Variants in MAN2A2 observed in about 807,000 individuals in gnomAD.
The protein encoded by MAN2A2 is mannosidase alpha class 2A member 2, also known as alpha-mannosidase 2x.
In MAN2A2, 79 loss-of-function variants were observed where a neutral mutation model predicts 126.8. The observed-to-expected ratio is 0.62, with a 90% CI of 0.52 to 0.75. The LOEUF is 0.75. Among genes scored for constraint, MAN2A2 ranks in the 30% least tolerant of loss-of-function variants. The probability of loss-of-function intolerance (pLI) is 0.00; values close to 1 mark genes in which losing one functional copy is unlikely to be tolerated. For missense variants in MAN2A2, 1,392 were observed against 1,522.4 expected (o/e 0.91, Z 1.43); for synonymous variants, 671 against 618.7 (o/e 1.08, Z -1.25).
rs1242515657 is a variant in MAN2A2, at chr15:90,919,681, AG to A, written c.3348del (p.Gln1116HisfsTer5). ...LFHGLDVVFL[Q>X]PTSLTLLYPL... ...CATGGCCTGGATGTGGTATTCCTTC[AG>A]CCAACCTCCTTGACGTTACTGTACC... On this transcript the variant is annotated frameshift_variant, in exon 23 of 23. Transcript: ENST00000559717. LOFTEE classifies it high-confidence loss of function. 6.2e-7 allele frequency: 1 copy of A among 1,614,130 alleles called. No homozygotes were observed. Among genetic ancestry groups the A allele is most frequent in the Non-Finnish European group, 8.5e-7 (1 of 1,180,000 alleles).
Position 90,916,457 on chromosome 15 carries a change from G to A in MAN2A2, c.2994+201G>A, listed in dbSNP as rs1218784808. On this transcript the variant is annotated intron_variant, in intron 20 of 22. Coordinates refer to ENST00000559717, the MANE Select transcript of MAN2A2 (RefSeq NM_006122.4). ...CCTGGCACCTTCCTCTCCCAGCAGC[G>A]CTCTGTCACCTGTGCCCCTCATGTT... 8.2e-6 allele frequency: 9 copies of A among 1,094,954 alleles called. No homozygotes were observed. The Admixed American group carries it at 1.1e-4, about 13-fold the overall frequency. The allele number at this position is 1,094,954 out of a possible 1,614,324, so 67.8% of individuals were successfully genotyped here.
chr15:90,913,229 C>T (rs371119486), intron 17 of MAN2A2, 44 bp from the exon 18 acceptor site: 4 of 1,604,384 alleles, frequency 2.5e-6, no homozygotes, highest in Non-Finnish European at 2.6e-6. Context: ...AGCTGTGCTT[C>T]AGCCTCACAC....
In MAN2A2 at chr15:90,920,390, G is replaced by T. The variant is rs551921793; in HGVS notation, c.*603G>T. 2.0e-5 allele frequency: 3 copies of T among 152,696 alleles called. No homozygotes were observed. Among genetic ancestry groups the T allele is most frequent in the African/African-American group, 7.2e-5 (3 of 41,458 alleles). The allele number at this position is 152,696 out of a possible 1,614,324, so 9.5% of individuals were successfully genotyped here. The stretch of plus-strand genomic sequence containing the variant: ...CTGTGATGGCTTTGCAGTAAGTGCC[G>T]CCTGGCCTGCATGCATTGGCTAACA... On this transcript the variant is annotated 3_prime_UTR_variant, in exon 23 of 23. Transcript: ENST00000559717.
In MAN2A2 at chr15:90,906,012, C is replaced by A. The variant is rs147593880; in HGVS notation, c.703C>A (p.Arg235=). ...NINVQKRAAV[R]RLVGNGQLEI... The stretch of plus-strand genomic sequence containing the variant: ...CAATGTCCAAAAGAGAGCGGCAGTC[C>A]GAAGGCCAGTACCAGGCGGGGAGGC... Residue 235 remains arginine, a synonymous_variant, in exon 5 of 23, where the codon CGA becomes AGA. Coordinates refer to ENST00000559717, the MANE Select transcript of MAN2A2 (RefSeq NM_006122.4). 3 of 1,613,726 alleles carry A rather than the reference C, an allele frequency of 1.9e-6. No homozygotes were observed. Among genetic ancestry groups the A allele is most frequent in the Non-Finnish European group, 2.5e-6 (3 of 1,180,014 alleles).
At chr15:90,904,124 A>T in intron 1 of MAN2A2, 66 bp from the exon 2 acceptor site, 1 of 1,558,640 alleles carries the variant, frequency 6.4e-7, no homozygotes, top group East Asian at 2.3e-5. Context: ...TCACTGGGGT[A>T]TTTGGTGGAA....
intron 5 of MAN2A2, 77 bp from the exon 6 acceptor site, chr15:90,906,293 C>T (rs1320214985): frequency 1.3e-6 from 2 of 1,576,394 alleles, no homozygotes; most frequent in Non-Finnish European, 1.7e-6. Context: ...CCAGTGCACA[C>T]AGGCCCTGAC....
In MAN2A2 at chr15:90,913,374, G is replaced by A. The variant is rs530806189; in HGVS notation, c.2686G>A (p.Gly896Ser). ...LHIHTDIDSQ[G>S]IFFTDLNGFQ... is the part of the protein sequence containing the mutation. ...CATCCATACAGACATCGACAGCCAG[G>A]GTATCTTCTTCACAGACCTCAATGG... Residue 896 changes from glycine to serine, a missense_variant, in exon 18 of 23, where the codon GGT becomes AGT. Physicochemically the swap from Gly to Ser is moderately conservative, Grantham distance 56. Transcript: ENST00000559717. The A allele has an allele frequency of 7.5e-6, 12 of 1,600,928 alleles. No homozygotes were observed. The African/African-American group carries it at 1.3e-4, about 18-fold the overall frequency.
At chr15:90,915,072 C>G (rs970379712) in intron 19 of MAN2A2, among the ~76,000 whole-genome samples, 1 of 152,242 alleles carries the variant, frequency 6.6e-6, no homozygotes, top group Non-Finnish European at 1.5e-5. Flanking sequence ...TGACTCCCTG[C>G]TGGGAGGAGT....
In MAN2A2 at chr15:90,913,667, C is replaced by G. The variant is rs1212688966; in HGVS notation, c.2772C>G (p.Pro924=). The G allele has an allele frequency of 6.2e-7, 1 of 1,611,834 alleles. No homozygotes were observed. The highest frequency in any genetic ancestry group is 1.7e-5 in the Admixed American group (1 of 59,760). ...TCCCCCTCCAGGCCAACTTCTACCCCATGCCAGTCATGGCCTATATCCAGG... is the reference window on the plus strand; with the variant it reads ...TCCCCCTCCAGGCCAACTTCTACCCGATGCCAGTCATGGCCTATATCCAGG... ...KKLPLQANFY[P]MPVMAYIQDA... The change falls in exon 19 of 23, where the codon CCC becomes CCG. Residue 924 remains proline, a synonymous_variant. Coordinates refer to ENST00000559717, the MANE Select transcript of MAN2A2 (RefSeq NM_006122.4).
At position 90,909,460 on chromosome 15, in the gene MAN2A2, C is replaced by T. The variant is rs533695393; in HGVS notation, c.1330C>T (p.Arg444Trp). 3.1e-5 allele frequency: 50 copies of T among 1,614,140 alleles called. No individual in the cohort carries two copies. The highest frequency in any genetic ancestry group is 7.7e-5 in the South Asian group (7 of 91,084). ...EWDAQFFNYQ[R>W]LFDFFNSRPN... ...GGATGCCCAGTTCTTCAACTACCAA[C>T]GGCTCTTTGACTTCTTCAACAGCAG... The change falls in exon 9 of 23, where the codon CGG becomes TGG. Residue 444 changes from arginine to tryptophan, a missense_variant. By Grantham distance (101) the Arg-to-Trp change is moderately radical (BLOSUM62 -3). Transcript: ENST00000559717.
In MAN2A2 at chr15:90,922,182, A is replaced by G. The variant is rs1398950299; in HGVS notation, c.*2395A>G. ...ATATGGAAGAAAATATTTGCAGCAC[A>G]TAAAAAAATCAACGAGTACAATTAC... On this transcript the variant is annotated 3_prime_UTR_variant, in exon 23 of 23. Transcript: ENST00000559717. 6.6e-6 allele frequency: 1 copy of G among 152,246 alleles called. No individual in the cohort carries two copies. Among genetic ancestry groups the G allele is most frequent in the Non-Finnish European group, 1.5e-5 (1 of 68,038 alleles). 9.4% of individuals were successfully genotyped at this position (152,246 alleles called of 1,614,324 possible). A position where few individuals can be genotyped will look rare whatever the true frequency, so the allele number is the denominator to read the frequency against.
chr15:90,915,055 G>T (rs1032525674), intron 19 of MAN2A2, among the ~76,000 whole-genome samples: 1 of 152,204 alleles, frequency 6.6e-6, no homozygotes, highest in Non-Finnish European at 1.5e-5. Context: ...TGGCAAGTTC[G>T]GGGGCCTGAC....
At chr15:90,902,744 C>G (rs1172461209), upstream of MAN2A2, 2 of 146,832 alleles carry the variant, frequency 1.4e-5, no homozygotes, top group African/African-American at 4.9e-5. Flanking sequence ...GCTGCTGGGC[C>G]CGGCAGCTTC....
chr15:90,906,223 G>T, intron 5 of MAN2A2, 147 bp from the exon 6 acceptor site: 2 of 1,306,096 alleles, frequency 1.5e-6, no homozygotes, highest in Middle Eastern at 2.5e-4. Flanking sequence ...TGGCTGTAAG[G>T]AAAGGAGGGC....
chr15:90,912,768 C>G, intron 16 of MAN2A2, 104 bp downstream of exon 16: 1 of 1,576,872 alleles, frequency 6.3e-7, no homozygotes. Context: ...CTTTCCTGTT[C>G]AGCCCAGGGG....
intron 10 of MAN2A2, 44 bp downstream of exon 10, chr15:90,910,336 C>A (rs1216718079): frequency 6.2e-7 from 1 of 1,607,474 alleles, no homozygotes; most frequent in Non-Finnish European, 8.5e-7. Flanking sequence ...GGAGAGTCAG[C>A]CTTTGGGGTT....
Position 90,904,312 on chromosome 15 carries a change from A to C in MAN2A2, c.105A>C (p.Arg35=), listed in dbSNP as rs199595126. 6.2e-6 allele frequency: 10 copies of C among 1,614,036 alleles called. No individual in the cohort carries two copies. Among genetic ancestry groups the C allele is most frequent in the Non-Finnish European group, 8.5e-6 (10 of 1,179,986 alleles). The change falls in exon 2 of 23, where the codon CGA becomes CGC. Residue 35 remains arginine, a synonymous_variant. Coordinates refer to ENST00000559717, the MANE Select transcript of MAN2A2 (RefSeq NM_006122.4). The stretch of plus-strand genomic sequence containing the variant: ...ACCGAGTGCAACACGATCCCACCCG[A>C]CACCAGAATGGTGGGAACTTCCCCC... ...MLDRVQHDPT[R]HQNGGNFPRS...
chr15:90,910,668 TGG>T lies in MAN2A2; in HGVS notation c.1746_1747del (p.Asp583LeufsTer34). ...GGCACGGCCAAGGAGGCTGTGGTGG[TGG>T]ACTATGGGGTCAGGTGGGAGCCTTC... On this transcript the variant is annotated frameshift_variant, in exon 11 of 23. Transcript: ENST00000559717. LOFTEE classifies it high-confidence loss of function. 1 of 1,614,014 alleles carries T rather than the reference TGG, an allele frequency of 6.2e-7. No homozygotes were observed. The highest frequency in any genetic ancestry group is 8.5e-7 in the Non-Finnish European group (1 of 1,180,012).
intron 22 of MAN2A2, 78 bp from the exon 23 acceptor site, chr15:90,919,557 C>T: frequency 6.5e-7 from 1 of 1,544,596 alleles, no homozygotes; most frequent in East Asian, 2.3e-5. Context: ...TAAAGAGGTA[C>T]CAAATTGTAG....
Sources: gnomAD v4.1 joint callset for allele counts (sites outside exome capture counted in the v4.1 genomes callset) on GRCh38, gnomAD v4.1.1 for gene constraint, MANE v1.5 for transcripts, NCBI Gene and HGNC (gene_info 2026-07-23, HGNC 2026-07-21) for gene names.